MSRB3: variants seen among roughly 807,000 people sequenced by gnomAD.
MSRB3 encodes the protein methionine-R-sulfoxide reductase B3.
A neutral mutation model predicts 21.0 loss-of-function variants in MSRB3; 13 were observed. That is an observed-to-expected ratio of 0.62 (90% confidence interval 0.40 to 0.98). The LOEUF is 0.98. MSRB3 is among the 50% of genes least tolerant of loss of function. The pLI is 0.00. For synonymous variants in MSRB3, 87 were observed against 88.6 expected (o/e 0.98, Z 0.10); for missense variants, 199 against 230.3 (o/e 0.86, Z 0.88).
At chr12:65,399,235 T>A (rs1159942257) in intron 5 of MSRB3, among the ~76,000 whole-genome samples, 2 of 152,208 alleles carry the variant, frequency 1.3e-5, no homozygotes, top group African/African-American at 4.8e-5. Flanking sequence ...TTCCTATCCA[T>A]GAGCATGGAA....
intron 5 of MSRB3, among the ~76,000 whole-genome samples, chr12:65,396,781 C>G (rs1168438315): frequency 2.0e-5 from 3 of 150,986 alleles, no homozygotes; most frequent in Non-Finnish European, 1.5e-5. Flanking sequence ...GTTTTATGGT[C>G]TAGATGTGGT....
chr12:65,410,835 A>G (rs1201956091), intron 5 of MSRB3, among the ~76,000 whole-genome samples: 1 of 152,182 alleles, frequency 6.6e-6, no homozygotes, highest in Non-Finnish European at 1.5e-5. Context: ...TCTGGCTGTT[A>G]CTGTTTGTAT....
At chr12:65,412,428 A>C (rs1019837513) in intron 5 of MSRB3, among the ~76,000 whole-genome samples, 1 of 152,110 alleles carries the variant, frequency 6.6e-6, no homozygotes, top group African/African-American at 2.4e-5. Context: ...ATTCAAAGGA[A>C]CTCAAGACCA....
At chr12:65,397,940 A>T (rs967131998) in intron 5 of MSRB3, among the ~76,000 whole-genome samples, 4 of 152,184 alleles carry the variant, frequency 2.6e-5, no homozygotes, top group Admixed American at 2.6e-4. Context: ...ACATAAACTC[A>T]TCCTTTTTTA....
chr12:65,395,658 G>A (rs1363830411), intron 5 of MSRB3, among the ~76,000 whole-genome samples: 1 of 152,052 alleles, frequency 6.6e-6, no homozygotes, highest in Non-Finnish European at 1.5e-5. Flanking sequence ...TGTTTTGTAA[G>A]GTTACTAATT....
intron 1 of MSRB3, among the ~76,000 whole-genome samples, chr12:65,287,125 A>G (rs1592488719): frequency 7.0e-6 from 1 of 142,404 alleles, no homozygotes; most frequent in South Asian, 2.2e-4. Context: ...TTGTTCTTTC[A>G]TTTCTCTTTT....
At chr12:65,448,665 G>A (rs1882726021) in intron 5 of MSRB3, among the ~76,000 whole-genome samples, 1 of 152,152 alleles carries the variant, frequency 6.6e-6, no homozygotes, top group Non-Finnish European at 1.5e-5. Context: ...TGTGGCTAGT[G>A]TGACTGAGAA....
chr12:65,415,741 T>C (rs1374569820), intron 5 of MSRB3, among the ~76,000 whole-genome samples: 1 of 152,206 alleles, frequency 6.6e-6, no homozygotes, highest in Non-Finnish European at 1.5e-5. Context: ...CTCTTCTGTT[T>C]TCTGGTCCAA....
At chr12:65,449,570 A>G (rs753274778) in intron 5 of MSRB3, among the ~76,000 whole-genome samples, 15 of 152,190 alleles carry the variant, frequency 9.9e-5, no homozygotes, top group Non-Finnish European at 2.2e-4. Context: ...ATGTATCATC[A>G]TTATTGACCC....
intron 2 of MSRB3, among the ~76,000 whole-genome samples, chr12:65,323,153 C>T (rs1383402538): frequency 6.6e-6 from 1 of 152,094 alleles, no homozygotes; most frequent in Non-Finnish European, 1.5e-5. Context: ...TTGAGGGTGG[C>T]AACACATAGC....
chr12:65,359,637 C>T (rs1016106989), intron 4 of MSRB3, among the ~76,000 whole-genome samples: 6 of 152,230 alleles, frequency 3.9e-5, no homozygotes, highest in African/African-American at 7.2e-5. Context: ...TGATTAGAAT[C>T]TTCTGGTATG....
At chr12:65,374,548 A>T (rs1167431593) in intron 5 of MSRB3, among the ~76,000 whole-genome samples, 2 of 152,210 alleles carry the variant, frequency 1.3e-5, no homozygotes, top group Non-Finnish European at 2.9e-5. Flanking sequence ...ACATAAGCCA[A>T]TTTATTTTAG....
At chr12:65,435,679 G>A (rs1045000006) in intron 5 of MSRB3, among the ~76,000 whole-genome samples, 1 of 151,810 alleles carries the variant, frequency 6.6e-6, no homozygotes, top group Non-Finnish European at 1.5e-5. Flanking sequence ...ATAACATTTT[G>A]TGGAGATTTC....
chr12:65,308,396 G>T, intron 1 of MSRB3, 133 bp from the exon 2 acceptor site: 1 of 1,250,848 alleles, frequency 8.0e-7, no homozygotes, highest in Non-Finnish European at 1.1e-6. Context: ...AAAAATAGGC[G>T]TTTGAAATTT....
chr12:65,351,845 C>A (rs569843796), intron 4 of MSRB3, among the ~76,000 whole-genome samples: 1 of 152,148 alleles, frequency 6.6e-6, no homozygotes, highest in African/African-American at 2.4e-5. Context: ...AAAAAGAGTC[C>A]AGGACCACAT....
At chr12:65,445,936 T>G (rs888141911) in intron 5 of MSRB3, among the ~76,000 whole-genome samples, 2 of 152,190 alleles carry the variant, frequency 1.3e-5, no homozygotes, top group African/African-American at 2.4e-5. Flanking sequence ...TGAGCCACCA[T>G]GCCCAGCCAA....
At chr12:65,400,334 T>C (rs1383775490) in intron 5 of MSRB3, among the ~76,000 whole-genome samples, 1 of 152,096 alleles carries the variant, frequency 6.6e-6, no homozygotes, top group Non-Finnish European at 1.5e-5. Context: ...TGGTTTAGTC[T>C]TGGGAGGGTG....
At chr12:65,409,381 A>G (rs996038069) in intron 5 of MSRB3, among the ~76,000 whole-genome samples, 1 of 152,126 alleles carries the variant, frequency 6.6e-6, no homozygotes, top group African/African-American at 2.4e-5. Flanking sequence ...ACAAATCTGT[A>G]TACCATATTA....
chr12:65,355,961 G>C (rs1877356995), intron 4 of MSRB3, among the ~76,000 whole-genome samples: 1 of 151,886 alleles, frequency 6.6e-6, no homozygotes, highest in African/African-American at 2.4e-5. Flanking sequence ...CCTTCAAATA[G>C]AGTGCTTTGC....
Sources: allele counts gnomAD v4.1 joint callset (sites outside exome capture counted in the v4.1 genomes callset), GRCh38; gene constraint gnomAD v4.1.1; transcripts MANE v1.5; gene names NCBI Gene and HGNC (gene_info 2026-07-23, HGNC 2026-07-21).